The following CR1 variants were observed in gnomAD, a reference collection of about 807,000 sequenced individuals.
CR1 encodes complement receptor type 1.
In CR1, 116 loss-of-function variants were observed where a neutral mutation model predicts 187.3. That is an observed-to-expected ratio of 0.62 (90% CI 0.53 to 0.72). CR1 has a LOEUF of 0.72. Among genes scored for constraint, CR1 ranks in the 30% least tolerant of loss-of-function variants. The probability of loss-of-function intolerance (pLI) is 0.00; values close to 1 mark genes in which losing one functional copy is unlikely to be tolerated. For synonymous variants in CR1, 576 were observed against 747.1 expected, an observed-to-expected ratio of 0.77 and a Z score of 3.73; for missense variants, 1,731 against 2,110.7, an observed-to-expected ratio of 0.82 and a Z score of 3.52.
At chr1:207,573,102 A>G (rs1040177969) in intron 27 of CR1, among the ~76,000 whole-genome samples, 4 of 151,984 alleles carry the variant, frequency 2.6e-5, no homozygotes, top group Non-Finnish European at 5.9e-5. Context: ...ACACAATTCA[A>G]CCTATAACAG....
chr1:207,566,107 A>C (rs1245446817), intron 24 of CR1, among the ~76,000 whole-genome samples, 184 bp downstream of exon 24: 2 of 150,288 alleles, frequency 1.3e-5, no homozygotes, highest in South Asian at 4.2e-4. Context: ...CAACCATCTG[A>C]TCTGTCTCTG....
At chr1:207,618,966 A>T (rs56348481) in intron 42 of CR1, among the ~76,000 whole-genome samples, 107 of 145,928 alleles carry the variant, frequency 7.3e-4, no homozygotes, top group Non-Finnish European at 1.4e-3. Context: ...TTGAACCCAG[A>T]GGCAGAGGTT....
intron 1 of CR1, among the ~76,000 whole-genome samples, 175 bp downstream of exon 1, chr1:207,496,563 G>A (rs1659094012): frequency 6.6e-6 from 1 of 152,236 alleles, no homozygotes; most frequent in Non-Finnish European, 1.5e-5. Flanking sequence ...ATCCTTCTGC[G>A]CACTGGAGAC....
Position 207,499,747 on chromosome 1 carries a change from A to G in CR1, c.121+3359A>G, listed in dbSNP as rs56027105. Among the ~76,000 whole-genome samples the G allele has an allele frequency of 5.6e-3, 852 of 152,308 alleles. 9 individuals carry two copies. The highest frequency in any genetic ancestry group is 0.014 in the Middle Eastern group (4 of 294). On this transcript the variant is annotated intron_variant, in intron 1 of 46. Coordinates refer to ENST00000367049, the MANE Select transcript of CR1 (RefSeq NM_000651.6). ...GGTTATCCCTGCTAGGTAAAGGTGC[A>G]AGATAGAAGGGAAGTTCCAATTTGC...
intron 4 of CR1, among the ~76,000 whole-genome samples, chr1:207,513,086 G>C (rs1659672061): frequency 6.6e-6 from 1 of 152,184 alleles, no homozygotes; most frequent in South Asian, 2.1e-4. Flanking sequence ...ATTCAAGTCA[G>C]ACTTCTATTC....
At position 207,502,983 on chromosome 1, in the gene CR1, C is replaced by A. The variant is rs939680405; in HGVS notation, c.122-2921C>A. 2.0e-5 allele frequency among the ~76,000 whole-genome samples: 3 copies of A among 152,318 alleles called. No homozygotes were observed. The East Asian group carries it at 5.8e-4, about 29-fold the overall frequency. On this transcript the variant is annotated intron_variant, in intron 1 of 46. Coordinates refer to ENST00000367049, the MANE Select transcript of CR1 (RefSeq NM_000651.6). ...CATTCCCGACAGCATAGGCTCATTC[C>A]AAGCTAGTTCTGCAAAGGAGCAGAA...
intron 35 of CR1, among the ~76,000 whole-genome samples, chr1:207,597,141 A>AC (rs895036312): frequency 6.6e-6 from 1 of 151,324 alleles, no homozygotes; most frequent in African/African-American, 2.4e-5. Flanking sequence ...TACAAAAAAA[A>AC]AAACAAACTC....
At position 207,611,813 on chromosome 1, in the gene CR1, G is replaced by A. The variant is rs373764420; in HGVS notation, c.6432G>A (p.Thr2144=). The change falls in exon 38 of 47, where the codon ACG becomes ACA. Residue 2144 remains threonine (T), a synonymous_variant. Coordinates refer to ENST00000367049, the MANE Select transcript of CR1 (RefSeq NM_000651.6). ...GAGGGGCTGCGTCTCTGCACTGCAC[G>A]CCCCAGGGAGACTGGAGCCCTGAAG... is the stretch of plus-strand genomic sequence containing the variant. ...DLRGAASLHC[T]PQGDWSPEAP... 1.4e-4 allele frequency: 233 copies of A among 1,613,828 alleles called. No individual in the cohort carries two copies. Among genetic ancestry groups the A allele is most frequent in the Non-Finnish European group, 1.9e-4 (221 of 1,179,894 alleles).
intron 31 of CR1, among the ~76,000 whole-genome samples, chr1:207,581,227 T>C (rs1335579475): frequency 6.8e-6 from 1 of 146,034 alleles, no homozygotes; most frequent in Non-Finnish European, 1.5e-5. Flanking sequence ...TGGACACGTA[T>C]ATGTAGACGT....
In CR1 at chr1:207,565,858, C is replaced by T. The variant is rs199990810; in HGVS notation, c.3887C>T (p.Ser1296Phe). The T allele has an allele frequency of 2.1e-4, 346 of 1,610,718 alleles. 5 individuals carry two copies. Among genetic ancestry groups the T allele is most frequent in the African/African-American group, 1.2e-4 (9 of 72,156 alleles). ...CDEGFQLKGSSASYCVLAGME... is the reference protein window; with the variant it reads ...CDEGFQLKGSFASYCVLAGME... ...TTTAGATTTCAATTAAAAGGCAGCTCTGCTAGTTATTGTGTCTTGGCTGGA... is the reference window on the plus strand; with the variant it reads ...TTTAGATTTCAATTAAAAGGCAGCTTTGCTAGTTATTGTGTCTTGGCTGGA... Residue 1296 changes from serine to phenylalanine, a missense_variant, in exon 24 of 47, where the codon TCT (serine) becomes TTT (phenylalanine). Physicochemically the swap from Ser to Phe is radical, Grantham distance 155. Around this residue, in one of 5 missense-constraint regions of CR1, gnomAD observed 1,312 missense variants for 1,379.6 expected, o/e 0.95. Coordinates refer to ENST00000367049, the MANE Select transcript of CR1 (RefSeq NM_000651.6).
intron 41 of CR1, among the ~76,000 whole-genome samples, 155 bp downstream of exon 41, chr1:207,616,957 T>C (rs560914169): frequency 6.6e-6 from 1 of 152,312 alleles, no homozygotes; most frequent in South Asian, 2.1e-4. Context: ...AAACGGGTTA[T>C]AGATAGGCAC....
intron 46 of CR1, 142 bp downstream of exon 46, chr1:207,630,763 T>C (rs987284927): frequency 5.8e-6 from 3 of 514,368 alleles, no homozygotes; most frequent in Non-Finnish European, 1.0e-5. Context: ...GGAAACTTCT[T>C]TTTTTTTTAT....
At position 207,619,296 on chromosome 1, in the gene CR1, T is replaced by A. The variant is rs543932938; in HGVS notation, c.7067-584T>A. On this transcript the variant is annotated intron_variant, in intron 42 of 46. Coordinates refer to ENST00000367049, the MANE Select transcript of CR1 (RefSeq NM_000651.6). ...TACCCGGGAGGCTGAAGCAGGAGAA[T>A]TGCTTGAACCCAGGAGGTAGAGGTT... Among the ~76,000 whole-genome samples the A allele has an allele frequency of 2.8e-5, 4 of 145,188 alleles. No homozygotes were observed. The East Asian group carries it at 8.2e-4, about 30-fold the overall frequency.
rs894357125 is a variant in CR1, at chr1:207,639,331, G to C, written c.7458-66G>C. 3.4e-6 allele frequency: 5 copies of C among 1,473,174 alleles called. No homozygotes were observed. The African/African-American group carries it at 7.0e-5, about 21-fold the overall frequency. 91.3% of individuals were successfully genotyped at this position (1,473,174 alleles called of 1,614,324 possible). A position where few individuals can be genotyped will look rare whatever the true frequency, so the allele number is the denominator to read the frequency against. On this transcript the variant is annotated intron_variant, in intron 46 of 46. Transcript: ENST00000367049. ...GAAAATATCCAAAGCTTATCAGCCT[G>C]TAAATTCTGGGTAGTTCAGTTGTCT...
rs368340302 is a variant in CR1 at position 207,506,846 on chromosome 1, G to T, written c.401+33G>T. On this transcript the variant is annotated intron_variant, in intron 3 of 46. Transcript: ENST00000367049. The stretch of plus-strand genomic sequence containing the variant: ...GGCATCTCTTGAACCAACATCTCTT[G>T]GTTCAAGAGTTCTAACACAGCCTTA... The T allele has an allele frequency of 1.9e-6, 3 of 1,552,264 alleles. No homozygotes were observed. The East Asian group carries it at 6.7e-5, about 35-fold the overall frequency.
intron 3 of CR1, among the ~76,000 whole-genome samples, chr1:207,510,724 C>CCCTT (rs1044541628): frequency 4.7e-4 from 42 of 89,982 alleles, no homozygotes; most frequent in South Asian, 1.2e-3. Flanking sequence ...GTTATGTATC[C>CCCTT]CCTTCCTTCC....
chr1:207,573,951 A>G (rs1752684), intron 27 of CR1, among the ~76,000 whole-genome samples: 129,303 of 152,010 alleles, frequency 0.85, 55,543 homozygotes, highest in African/African-American at 0.96. Flanking sequence ...AGACAACATG[A>G]CAAAAACCCA....
intron 35 of CR1, 41 bp downstream of exon 35, chr1:207,588,815 C>A (rs1571565297): frequency 7.2e-7 from 1 of 1,380,086 alleles, no homozygotes; most frequent in Non-Finnish European, 1.0e-6. Context: ...AGTTCCAGAA[C>A]AGCAGAGCCA....
intron 35 of CR1, among the ~76,000 whole-genome samples, chr1:207,597,024 A>C (rs1472360766): frequency 1.3e-5 from 2 of 148,922 alleles, no homozygotes; most frequent in Non-Finnish European, 3.0e-5. Flanking sequence ...TGTAGTGATA[A>C]AATCTATTAT....
Sources: gnomAD v4.1 joint callset for allele counts (sites outside exome capture counted in the v4.1 genomes callset) on GRCh38, gnomAD v4.1.1 for gene constraint, gnomAD v4.1.1 regional missense constraint, MANE v1.5 for transcripts, NCBI Gene and HGNC (gene_info 2026-07-23, HGNC 2026-07-21) for gene names.